Variants in CDK19 observed in about 807,000 individuals in gnomAD.
CDK19 encodes cyclin dependent kinase 19.
Under a neutral mutation model 68.3 loss-of-function variants are expected in CDK19, and 20 were observed. The ratio of observed to expected loss-of-function variants is 0.29; its 90% CI spans 0.21 to 0.43. The LOEUF (loss-of-function observed/expected upper bound fraction) is 0.43. Ranked by LOEUF, CDK19 falls within the 20% of genes least tolerant of loss-of-function variation. The pLI, the probability that CDK19 is intolerant of heterozygous loss-of-function variation, is 1.00. For missense variants in CDK19, 339 were observed against 623.5 expected (o/e 0.54, Z 4.86); for synonymous variants, 221 against 222.8 (o/e 0.99, Z 0.07).
At chr6:110,713,264 T>C (rs1347379711) in intron 2 of CDK19, among the ~76,000 whole-genome samples, 1 of 150,724 alleles carries the variant, frequency 6.6e-6, no homozygotes, top group Non-Finnish European at 1.5e-5. Flanking sequence ...CTTGTGGTGA[T>C]TTATCCTAGG....
intron 4 of CDK19, among the ~76,000 whole-genome samples, chr6:110,640,544 G>C (rs1307009431): frequency 6.6e-6 from 1 of 152,202 alleles, no homozygotes; most frequent in African/African-American, 2.4e-5. Flanking sequence ...TTTTACCAAG[G>C]TTTTAAGTTT....
chr6:110,749,696 A>C (rs368353516), intron 1 of CDK19, among the ~76,000 whole-genome samples: 14 of 152,188 alleles, frequency 9.2e-5, no homozygotes, highest in South Asian at 8.3e-4. Flanking sequence ...AATTCTATAG[A>C]GAGTAGAAAA....
intron 4 of CDK19, among the ~76,000 whole-genome samples, chr6:110,657,283 C>T (rs930629586): frequency 6.6e-6 from 1 of 152,166 alleles, no homozygotes; most frequent in African/African-American, 2.4e-5. Context: ...ATGGCCCTCC[C>T]TATAGAAGAC....
At chr6:110,682,715 A>G (rs1772120165) in intron 2 of CDK19, among the ~76,000 whole-genome samples, 1 of 152,240 alleles carries the variant, frequency 6.6e-6, no homozygotes. Flanking sequence ...AATGCAAAAA[A>G]TATAGGTTTT....
At chr6:110,683,388 A>T (rs1772180420) in intron 2 of CDK19, among the ~76,000 whole-genome samples, 1 of 152,130 alleles carries the variant, frequency 6.6e-6, no homozygotes, top group Non-Finnish European at 1.5e-5. Flanking sequence ...TTCAATGCTA[A>T]CCACTCCGGT....
chr6:110,693,819 G>C (rs1425782410), intron 2 of CDK19, among the ~76,000 whole-genome samples: 2 of 152,080 alleles, frequency 1.3e-5, no homozygotes, highest in African/African-American at 4.8e-5. Context: ...AGTAGCTGAA[G>C]ACAAAAGACA....
rs1329069775 is a variant in CDK19, at chr6:110,815,295, A to G, written c.-159T>C. The G allele has an allele frequency of 1.3e-6, 1 of 764,520 alleles. No individual in the cohort carries two copies. Among genetic ancestry groups the G allele is most frequent in the African/African-American group, 1.9e-5 (1 of 53,136 alleles). 47.4% of individuals were successfully genotyped at this position (764,520 alleles called of 1,614,324 possible). ...CGCCGCTCCGCGGTCCGCCTTCAGC[A>G]AGGGACTCCTCGGCGGCCACAGCAG... On this transcript the variant is annotated 5_prime_UTR_variant, in exon 1 of 13. Coordinates refer to ENST00000368911, the MANE Select transcript of CDK19 (RefSeq NM_015076.5).
At chr6:110,644,163 G>T (rs1233760753) in intron 4 of CDK19, among the ~76,000 whole-genome samples, 1 of 151,924 alleles carries the variant, frequency 6.6e-6, no homozygotes, top group Non-Finnish European at 1.5e-5. Context: ...ATGATGGCCC[G>T]TGCCTGTAGT....
At position 110,614,665 on chromosome 6, in the gene CDK19, T is replaced by C. The variant is rs1449876565; in HGVS notation, c.1379A>G (p.His460Arg). The change falls in exon 13 of 13, where the codon CAC becomes CGC. Residue 460 changes from histidine (H) to arginine (R), a missense_variant and splice_region_variant. His to Arg is a conservative substitution (Grantham distance 29). This residue lies in a region of CDK19 where 155 missense variants were observed against 222.7 expected (regional missense o/e 0.70). Coordinates refer to ENST00000368911, the MANE Select transcript of CDK19 (RefSeq NM_015076.5). ...TTGGTAATTCAGGCGAGAACTGGAG[T>C]GCTAGGAGAAGGAAACAGGAAAAGG... is the stretch of plus-strand genomic sequence containing the variant. Reference protein sequence around the residue: ...GGPVMPSDYQHSSSRLNYQSS... With the variant: ...GGPVMPSDYQRSSSRLNYQSS... The C allele has an allele frequency of 1.2e-6, 2 of 1,613,568 alleles. No homozygotes were observed. The highest frequency in any genetic ancestry group is 1.3e-5 in the African/African-American group (1 of 74,870).
chr6:110,747,905 A>C (rs1778192084), intron 1 of CDK19, among the ~76,000 whole-genome samples: 1 of 152,236 alleles, frequency 6.6e-6, no homozygotes, highest in South Asian at 2.1e-4. Flanking sequence ...CCTGTGCCTT[A>C]AATGTATTTG....
At position 110,705,480 on chromosome 6, in the gene CDK19, A is replaced by C. The variant is rs761549478; in HGVS notation, c.205-34939T>G. Among the ~76,000 whole-genome samples the C allele has an allele frequency of 3.9e-5, 6 of 152,306 alleles. No homozygotes were observed. The South Asian group carries it at 1.2e-3, about 32-fold the overall frequency. On this transcript the variant is annotated intron_variant, in intron 2 of 12. Transcript: ENST00000368911. ...AAGAACTTGGGAGTCATAAACATAGAGAAGAGATTGCCCAGAAGCATTGTA... is the reference window on the plus strand; with the variant it reads ...AAGAACTTGGGAGTCATAAACATAGCGAAGAGATTGCCCAGAAGCATTGTA...
chr6:110,677,894 G>A (rs1771666771), intron 2 of CDK19, among the ~76,000 whole-genome samples: 1 of 152,148 alleles, frequency 6.6e-6, no homozygotes, highest in African/African-American at 2.4e-5. Flanking sequence ...TTGTCTCCTA[G>A]GCTGGAGTAC....
Position 110,647,193 on chromosome 6 carries a change from C to T in CDK19, c.457-8487G>A, listed in dbSNP as rs541028486. ...GCGCACCGTCCAGCTGGGGTCCGGC[C>T]GGCCAGTAACCTCGAAGCATGCGAC... On this transcript the variant is annotated intron_variant, in intron 4 of 12. Transcript: ENST00000368911. 3.5e-4 allele frequency among the ~76,000 whole-genome samples: 54 copies of T among 152,278 alleles called. 1 individual carries two copies. Among genetic ancestry groups the T allele is most frequent in the Admixed American group, 5.2e-4 (8 of 15,292 alleles).
At chr6:110,814,963 A>T (rs765217093) in intron 1 of CDK19, 46 bp downstream of exon 1, 3 of 1,592,170 alleles carry the variant, frequency 1.9e-6, no homozygotes, top group Non-Finnish European at 2.6e-6. Context: ...GGTCGCGGGC[A>T]GGGCGAGGAC....
At chr6:110,736,463 A>C (rs575430075) in intron 2 of CDK19, among the ~76,000 whole-genome samples, 1 of 152,378 alleles carries the variant, frequency 6.6e-6, no homozygotes, top group East Asian at 1.9e-4. Context: ...CCCCAAGTCT[A>C]TCTGAATCCA....
chr6:110,710,545 A>C (rs1774862792), intron 2 of CDK19, among the ~76,000 whole-genome samples: 1 of 152,196 alleles, frequency 6.6e-6, no homozygotes, highest in Admixed American at 6.5e-5. Flanking sequence ...AAACAAAAGA[A>C]ATTTATTTCT....
intron 1 of CDK19, among the ~76,000 whole-genome samples, chr6:110,761,718 C>A (rs1356844539): frequency 6.6e-6 from 1 of 152,132 alleles, no homozygotes. Flanking sequence ...GGATGTTTTT[C>A]ATTTAAATTT....
intron 9 of CDK19, 129 bp downstream of exon 9, chr6:110,623,159 CAA>C: frequency 1.3e-6 from 1 of 764,122 alleles, no homozygotes; most frequent in South Asian, 1.8e-5. Context: ...GACATCTCAA[CAA>C]AAAAAATATT....
intron 2 of CDK19, among the ~76,000 whole-genome samples, chr6:110,675,170 G>A (rs1208575642): frequency 6.6e-6 from 1 of 152,202 alleles, no homozygotes; most frequent in Non-Finnish European, 1.5e-5. Context: ...AATTCTATTG[G>A]AAACAGATTC....
Sources: allele counts gnomAD v4.1 joint callset (sites outside exome capture counted in the v4.1 genomes callset), GRCh38; gene constraint gnomAD v4.1.1; regional missense constraint gnomAD v4.1.1; transcripts MANE v1.5; gene names NCBI Gene and HGNC (gene_info 2026-07-23, HGNC 2026-07-21).